The following CECR2 variants were observed in gnomAD, a reference collection of about 807,000 sequenced individuals.
CECR2 encodes the protein chromatin remodeling regulator CECR2.
A neutral mutation model predicts 154.5 loss-of-function variants in CECR2; 30 were observed. The ratio of observed to expected loss-of-function variants is 0.19; its 90% CI spans 0.15 to 0.26. The LOEUF is 0.26. Ranked by LOEUF, CECR2 falls within the 10% of genes least tolerant of loss-of-function variation. CECR2 has a pLI of 1.00. For missense variants in CECR2, 1,743 were observed against 1,829.3 expected (o/e 0.95, Z 0.86); for synonymous variants, 725 against 683.7 (o/e 1.06, Z -0.94).
chr22:17,420,725 A>AC (rs1162250431), intron 1 of CECR2, among the ~76,000 whole-genome samples: 1 of 152,188 alleles, frequency 6.6e-6, no homozygotes, highest in African/African-American at 2.4e-5. Context: ...GTAAAGTTGT[A>AC]CCTCAGCATT....
chr22:17,478,190 A>C (rs1393349331), intron 2 of CECR2, among the ~76,000 whole-genome samples: 1 of 152,096 alleles, frequency 6.6e-6, no homozygotes, highest in Non-Finnish European at 1.5e-5. Context: ...ATCTTTACTT[A>C]ATACACGTTT....
chr22:17,487,459 GGAGGCC>G (rs2055441624), intron 2 of CECR2, among the ~76,000 whole-genome samples: 1 of 152,150 alleles, frequency 6.6e-6, no homozygotes, highest in African/African-American at 2.4e-5. Context: ...CAGCACTTTG[GGAGGCC>G]GAGGCGGGTG....
At chr22:17,524,311 T>G in intron 9 of CECR2, 40 bp downstream of exon 9, 1 of 1,594,540 alleles carries the variant, frequency 6.3e-7, no homozygotes, top group South Asian at 1.1e-5. Context: ...GGTGCATGTC[T>G]GTCGACCAGC....
In CECR2 at chr22:17,552,091, A is replaced by G; in HGVS notation, c.4338A>G (p.Thr1446=). 6.2e-7 allele frequency: 1 copy of G among 1,614,010 alleles called. No homozygotes were observed. The highest frequency in any genetic ancestry group is 8.5e-7 in the Non-Finnish European group (1 of 1,179,896). Residue 1446 remains threonine (T), a synonymous_variant, in exon 18 of 19, where the codon ACA becomes ACG. Coordinates refer to ENST00000262608, the MANE Select transcript of CECR2 (RefSeq NM_001290047.2). ...TCCCAAAGACCCCCACAGCAGCAACATCACAGGAGGAGGTGCCGCCTCATA... is the reference window on the plus strand; with the variant it reads ...TCCCAAAGACCCCCACAGCAGCAACGTCACAGGAGGAGGTGCCGCCTCATA... ...ASFPKTPTAA[T]SQEEVPPHKP...
In CECR2 at chr22:17,482,139, AAAG is replaced by A. The variant is rs1183368438; in HGVS notation, c.221+4458_221+4460del. 2.2e-4 allele frequency among the ~76,000 whole-genome samples: 16 copies of A among 73,252 alleles called. 3 individuals carry two copies. Among genetic ancestry groups the A allele is most frequent in the East Asian group, 1.6e-3 (6 of 3,746 alleles). 48.1% of individuals were successfully genotyped at this position (73,252 alleles called of 152,430 possible). On this transcript the variant is annotated intron_variant, in intron 2 of 18. Coordinates refer to ENST00000262608, the MANE Select transcript of CECR2 (RefSeq NM_001290047.2). ...CCAAAAAAAAAAAAAAAAAAAAAAA[AAAG>A]GGCGTGGCATGGTGACTCACGCCTG...
At chr22:17,425,432 A>G (rs996692863) in intron 1 of CECR2, among the ~76,000 whole-genome samples, 5 of 152,156 alleles carry the variant, frequency 3.3e-5, no homozygotes, top group African/African-American at 9.7e-5. Context: ...TTGAGGGCCT[A>G]TAACATGTCA....
intron 1 of CECR2, among the ~76,000 whole-genome samples, chr22:17,462,976 A>T (rs983134334): frequency 1.3e-5 from 2 of 152,250 alleles, no homozygotes; most frequent in African/African-American, 4.8e-5. Context: ...ACAAACCCAA[A>T]GCAGACAAAG....
intron 1 of CECR2, among the ~76,000 whole-genome samples, chr22:17,414,665 T>TC (rs2054130102): frequency 6.7e-6 from 1 of 148,686 alleles, no homozygotes; most frequent in Non-Finnish European, 1.5e-5. Flanking sequence ...TCCCTCCCCC[T>TC]CCCCCCACCC....
chr22:17,375,416 G>A (rs2063107098), intron 1 of CECR2, among the ~76,000 whole-genome samples: 1 of 152,008 alleles, frequency 6.6e-6, no homozygotes, highest in African/African-American at 2.4e-5. Context: ...CACCCAGCCA[G>A]CAAATGTTTA....
At chr22:17,461,373 T>C (rs1435216154) in intron 1 of CECR2, among the ~76,000 whole-genome samples, 8 of 152,360 alleles carry the variant, frequency 5.3e-5, no homozygotes, top group African/African-American at 1.9e-4. Context: ...ACAGTATTTT[T>C]CAAGTCCCAT....
chr22:17,363,739 A>G (rs2062988160), intron 1 of CECR2, among the ~76,000 whole-genome samples: 1 of 152,166 alleles, frequency 6.6e-6, no homozygotes, highest in Non-Finnish European at 1.5e-5. Flanking sequence ...GGGTTCAAGC[A>G]ATCCTCCCAC....
At chr22:17,527,947 T>C (rs1242935081) in intron 9 of CECR2, among the ~76,000 whole-genome samples, 1 of 152,198 alleles carries the variant, frequency 6.6e-6, no homozygotes, top group East Asian at 1.9e-4. Flanking sequence ...AATCCTCATA[T>C]ACTGTTGGTA....
At chr22:17,411,350 T>C (rs1416309531) in intron 1 of CECR2, among the ~76,000 whole-genome samples, 1 of 152,196 alleles carries the variant, frequency 6.6e-6, no homozygotes, top group Non-Finnish European at 1.5e-5. Flanking sequence ...TGGAGAAAAT[T>C]AACAGAAGGC....
At chr22:17,414,164 G>A (rs1021449611) in intron 1 of CECR2, among the ~76,000 whole-genome samples, 11 of 151,084 alleles carry the variant, frequency 7.3e-5, no homozygotes, top group East Asian at 3.9e-4. Context: ...AGTAGAGATG[G>A]GATTTCACTG....
Position 17,524,222 on chromosome 22 carries a change from A to G in CECR2, c.1059A>G (p.Leu353=), listed in dbSNP as rs772888133. 40 of 1,610,038 alleles carry G rather than the reference A, an allele frequency of 2.5e-5. No individual in the cohort carries two copies. Among genetic ancestry groups the G allele is most frequent in the Non-Finnish European group, 3.0e-5 (35 of 1,178,410 alleles). Residue 353 remains leucine (L), a synonymous_variant, in exon 9 of 19, where the codon CTA becomes CTG. Coordinates refer to ENST00000262608, the MANE Select transcript of CECR2 (RefSeq NM_001290047.2). ...AGAAGAAGGAGCAGGAGCAGATGCT[A>G]AAGGAAGAGAGGAAACGCGAGTTGG... ...AVQKKEQEQM[L]KEERKRELEE...
At chr22:17,505,534 CTTTTTT>C (rs11387639) in intron 7 of CECR2, among the ~76,000 whole-genome samples, 14 of 98,836 alleles carry the variant, frequency 1.4e-4, no homozygotes, top group South Asian at 1.1e-3. Context: ...CCTCTTTTTC[CTTTTTT>C]TTTTTTTTTT....
At chr22:17,498,879 G>A (rs866963557) in intron 3 of CECR2, among the ~76,000 whole-genome samples, 2 of 152,164 alleles carry the variant, frequency 1.3e-5, no homozygotes, top group African/African-American at 4.8e-5. Flanking sequence ...AGGGAGCATT[G>A]TAATATTTCC....
At chr22:17,541,018 A>G (rs528874055) in intron 14 of CECR2, among the ~76,000 whole-genome samples, 7 of 152,324 alleles carry the variant, frequency 4.6e-5, no homozygotes, top group Non-Finnish European at 7.3e-5. Flanking sequence ...TCTTGGCCTC[A>G]AACAGTCCTT....
chr22:17,478,073 A>T (rs2055240427), intron 2 of CECR2, among the ~76,000 whole-genome samples: 1 of 152,058 alleles, frequency 6.6e-6, no homozygotes, highest in African/African-American at 2.4e-5. Flanking sequence ...TTACATAGCC[A>T]GCAGCACTGA....
Sources: gnomAD v4.1 joint callset for allele counts (sites outside exome capture counted in the v4.1 genomes callset) on GRCh38, gnomAD v4.1.1 for gene constraint, MANE v1.5 for transcripts, NCBI Gene and HGNC (gene_info 2026-07-23, HGNC 2026-07-21) for gene names.